The following ANO6 variants were observed in gnomAD, a reference collection of about 807,000 sequenced individuals.
ANO6 encodes anoctamin 6.
Under a neutral mutation model 117.5 loss-of-function variants are expected in ANO6, and 106 were observed. The ratio of observed to expected loss-of-function variants is 0.90; its 90% CI spans 0.77 to 1.06. The LOEUF (loss-of-function observed/expected upper bound fraction) is 1.06. ANO6 is among the 50% of genes least tolerant of loss of function. The pLI is 0.00. For missense variants in ANO6, 955 were observed against 1,121.1 expected, an observed-to-expected ratio of 0.85 and a Z score of 2.12; for synonymous variants, 367 against 385.1, an observed-to-expected ratio of 0.95 and a Z score of 0.55.
At chr12:45,342,979 T>C (rs1352691422) in intron 3 of ANO6, among the ~76,000 whole-genome samples, 1 of 151,594 alleles carries the variant, frequency 6.6e-6, no homozygotes, top group East Asian at 1.9e-4. Context: ...CAACTACTGA[T>C]AGGTAGAAAG....
intron 1 of ANO6, among the ~76,000 whole-genome samples, chr12:45,288,509 C>T (rs938904442): frequency 2.0e-5 from 3 of 152,116 alleles, no homozygotes; most frequent in Non-Finnish European, 4.4e-5. Flanking sequence ...CCTTTTGTGA[C>T]TGGTTTATGT....
chr12:45,278,450 C>G (rs1290710652), intron 1 of ANO6, among the ~76,000 whole-genome samples: 1 of 152,184 alleles, frequency 6.6e-6, no homozygotes. Context: ...CTCCAATTTT[C>G]CATGTTTCCT....
chr12:45,278,064 C>T (rs1012063551), intron 1 of ANO6, among the ~76,000 whole-genome samples: 2 of 151,948 alleles, frequency 1.3e-5, no homozygotes, highest in African/African-American at 2.4e-5. Flanking sequence ...CTATCCTCCC[C>T]GCTCAAACCA....
At chr12:45,307,977 T>C (rs779866978) in intron 2 of ANO6, among the ~76,000 whole-genome samples, 2 of 149,002 alleles carry the variant, frequency 1.3e-5, no homozygotes, top group Non-Finnish European at 3.0e-5. Context: ...CAAAACAGAA[T>C]GGAAGAAGAG....
chr12:45,323,880 T>C (rs1158061009), intron 2 of ANO6, among the ~76,000 whole-genome samples: 1 of 151,786 alleles, frequency 6.6e-6, no homozygotes, highest in African/African-American at 2.4e-5. Context: ...ATTTACTATC[T>C]ATAGTCAGCT....
At chr12:45,370,077 A>C (rs975351554) in intron 9 of ANO6, among the ~76,000 whole-genome samples, 3 of 152,192 alleles carry the variant, frequency 2.0e-5, no homozygotes, top group African/African-American at 7.2e-5. Flanking sequence ...TATGTGACTA[A>C]AGCAGTATGC....
At chr12:45,333,188 T>G (rs1472133168) in intron 3 of ANO6, among the ~76,000 whole-genome samples, 1 of 152,064 alleles carries the variant, frequency 6.6e-6, no homozygotes, top group Non-Finnish European at 1.5e-5. Flanking sequence ...TTTTTAGCAT[T>G]ATTAGATCAT....
chr12:45,245,899 T>A (rs1047457538), intron 1 of ANO6, among the ~76,000 whole-genome samples: 2 of 151,480 alleles, frequency 1.3e-5, no homozygotes, highest in Non-Finnish European at 2.9e-5. Flanking sequence ...TAATTTTGCG[T>A]AGATTCTCTT....
At chr12:45,286,830 A>T (rs1188004583) in intron 1 of ANO6, among the ~76,000 whole-genome samples, 1 of 152,198 alleles carries the variant, frequency 6.6e-6, no homozygotes, top group Non-Finnish European at 1.5e-5. Flanking sequence ...GGTAAATACT[A>T]GTCCCATTTT....
intron 3 of ANO6, among the ~76,000 whole-genome samples, chr12:45,334,261 A>G (rs1322268906): frequency 6.6e-6 from 1 of 152,130 alleles, no homozygotes; most frequent in South Asian, 2.1e-4. Context: ...GTTTTAAATC[A>G]CAAATAACAG....
intron 8 of ANO6, among the ~76,000 whole-genome samples, chr12:45,365,522 A>G (rs1053184819): frequency 1.3e-5 from 2 of 152,216 alleles, no homozygotes; most frequent in Non-Finnish European, 2.9e-5. Context: ...AGGTTTAAAA[A>G]GAATGGCAAA....
chr12:45,400,618 C>T (rs73281565), intron 12 of ANO6, among the ~76,000 whole-genome samples: 2,039 of 152,276 alleles, frequency 0.013, 40 homozygotes, highest in African/African-American at 0.047. Flanking sequence ...CTCATTGAAT[C>T]CTCAACAACT....
At chr12:45,248,314 C>T (rs867306202) in intron 1 of ANO6, among the ~76,000 whole-genome samples, 1 of 152,268 alleles carries the variant, frequency 6.6e-6, no homozygotes, top group African/African-American at 2.4e-5. Flanking sequence ...ACTTCCATTG[C>T]CCTGCCCCAC....
At chr12:45,417,150 A>G (rs890647234) in intron 17 of ANO6, among the ~76,000 whole-genome samples, 2 of 152,198 alleles carry the variant, frequency 1.3e-5, no homozygotes, top group Non-Finnish European at 2.9e-5. Context: ...GTTTTTATTC[A>G]GTATGAAATA....
chr12:45,250,849 C>T (rs979089529), intron 1 of ANO6, among the ~76,000 whole-genome samples: 2 of 151,748 alleles, frequency 1.3e-5, no homozygotes, highest in African/African-American at 2.4e-5. Context: ...TCCTTGGCCT[C>T]CTGAGTAGCC....
chr12:45,424,547 G>C (rs926622991), intron 19 of ANO6, among the ~76,000 whole-genome samples: 30 of 151,830 alleles, frequency 2.0e-4, no homozygotes, highest in Admixed American at 1.4e-3. Context: ...ATATTGGCCA[G>C]GCTGGTCTCA....
chr12:45,349,666 A>T (rs1209708194), intron 6 of ANO6, among the ~76,000 whole-genome samples: 1 of 152,216 alleles, frequency 6.6e-6, no homozygotes, highest in East Asian at 1.9e-4. Context: ...TGAATAACAT[A>T]ATAAAACTAG....
intron 3 of ANO6, among the ~76,000 whole-genome samples, chr12:45,346,519 C>G (rs1004736167): frequency 6.6e-6 from 1 of 152,132 alleles, no homozygotes; most frequent in African/African-American, 2.4e-5. Flanking sequence ...CCAAAATTGC[C>G]TGTGTTGTTT....
At chr12:45,227,188 C>T (rs1947497116) in intron 1 of ANO6, among the ~76,000 whole-genome samples, 1 of 152,004 alleles carries the variant, frequency 6.6e-6, no homozygotes, top group Non-Finnish European at 1.5e-5. Flanking sequence ...CAAGGTTTCA[C>T]CATGTTGGCC....
Sources: allele counts gnomAD v4.1 joint callset (sites outside exome capture counted in the v4.1 genomes callset), GRCh38; gene constraint gnomAD v4.1.1; transcripts MANE v1.5; gene names NCBI Gene and HGNC (gene_info 2026-07-23, HGNC 2026-07-21).